Variants in PAPSS1 observed in about 807,000 individuals in gnomAD.
PAPSS1 encodes the protein 3'-phosphoadenosine 5'-phosphosulfate synthase 1.
Under a neutral mutation model 72.0 loss-of-function variants are expected in PAPSS1, and 50 were observed. The observed-to-expected ratio is 0.69, with a 90% CI of 0.55 to 0.88. The LOEUF is 0.88. PAPSS1 is among the 40% of genes least tolerant of loss of function. The pLI, the probability that PAPSS1 is intolerant of heterozygous loss-of-function variation, is 0.00. For synonymous variants in PAPSS1, 261 were observed against 263.6 expected (o/e 0.99, Z 0.09); for missense variants, 657 against 782.2 (o/e 0.84, Z 1.91).
chr4:107,703,751 G>A (rs13144043), intron 1 of PAPSS1, among the ~76,000 whole-genome samples: 73,681 of 152,112 alleles, frequency 0.48, 19,579 homozygotes, highest in South Asian at 0.65. Flanking sequence ...GATTACTATA[G>A]CTTCAGAGTG....
At chr4:107,634,996 T>C (rs1976695) in intron 10 of PAPSS1, among the ~76,000 whole-genome samples, 6,057 of 151,928 alleles carry the variant, frequency 0.04, 310 homozygotes, top group African/African-American at 0.13. Context: ...GACGGGGTTT[T>C]ACCGTGTTAG....
At chr4:107,692,979 C>T (rs945333927) in intron 3 of PAPSS1, among the ~76,000 whole-genome samples, 2 of 152,032 alleles carry the variant, frequency 1.3e-5, no homozygotes, top group African/African-American at 2.4e-5. Flanking sequence ...GGAAACAACA[C>T]ACACTGATGA....
chr4:107,631,872 G>A lies in PAPSS1; in HGVS notation c.1507-12C>T. 6.3e-7 allele frequency: 1 copy of A among 1,586,156 alleles called. No individual in the cohort carries two copies. Among genetic ancestry groups the A allele is most frequent in the Non-Finnish European group, 8.6e-7 (1 of 1,160,072 alleles). ...CAATGCCACTGGACCTAGAATAAAA[G>A]TTTCATTTTAGGTAACTTTGCTTTT... On this transcript the variant is annotated splice_polypyrimidine_tract_variant and intron_variant, in intron 10 of 11. Transcript: ENST00000265174.
intron 11 of PAPSS1, among the ~76,000 whole-genome samples, chr4:107,624,900 T>C (rs935995567): frequency 6.6e-6 from 1 of 152,190 alleles, no homozygotes; most frequent in Non-Finnish European, 1.5e-5. Flanking sequence ...GAAATACTTG[T>C]GTATTGCAAA....
At chr4:107,619,526 A>C (rs1384028227) in intron 11 of PAPSS1, among the ~76,000 whole-genome samples, 1 of 152,252 alleles carries the variant, frequency 6.6e-6, no homozygotes, top group Non-Finnish European at 1.5e-5. Flanking sequence ...CATATTTTTC[A>C]CAAGTACATC....
At chr4:107,615,250 C>T (rs985711459) in intron 11 of PAPSS1, among the ~76,000 whole-genome samples, 1 of 152,150 alleles carries the variant, frequency 6.6e-6, no homozygotes, top group African/African-American at 2.4e-5. Context: ...GCATATATTG[C>T]TTACCTTAAA....
chr4:107,622,256 A>G (rs1725983939), intron 11 of PAPSS1, among the ~76,000 whole-genome samples: 1 of 152,200 alleles, frequency 6.6e-6, no homozygotes, highest in Non-Finnish European at 1.5e-5. Context: ...CACTGGGGGC[A>G]AAGCCCAAGA....
At chr4:107,647,349 C>T (rs951623123) in intron 9 of PAPSS1, among the ~76,000 whole-genome samples, 1 of 152,220 alleles carries the variant, frequency 6.6e-6, no homozygotes, top group Non-Finnish European at 1.5e-5. Flanking sequence ...TTCACCTATA[C>T]ATGACACTGC....
chr4:107,691,586 A>T (rs1722918688), intron 3 of PAPSS1, among the ~76,000 whole-genome samples: 1 of 152,180 alleles, frequency 6.6e-6, no homozygotes, highest in South Asian at 2.1e-4. Context: ...GGCAAATAAG[A>T]CACGGTCCCA....
intron 7 of PAPSS1, among the ~76,000 whole-genome samples, chr4:107,655,995 G>C (rs922274789): frequency 3.9e-5 from 6 of 152,080 alleles, no homozygotes; most frequent in African/African-American, 9.7e-5. Flanking sequence ...TTATAGTAGG[G>C]TTCTGTGACA....
intron 10 of PAPSS1, among the ~76,000 whole-genome samples, chr4:107,635,228 C>A (rs1726338820): frequency 1.3e-5 from 2 of 151,944 alleles, no homozygotes; most frequent in South Asian, 4.2e-4. Flanking sequence ...GTTCCCTGAC[C>A]AAAGAAACCT....
At chr4:107,705,028 T>G (rs1723299599) in intron 1 of PAPSS1, among the ~76,000 whole-genome samples, 1 of 150,710 alleles carries the variant, frequency 6.6e-6, no homozygotes, top group Non-Finnish European at 1.5e-5. Flanking sequence ...TAAGGAGGAA[T>G]GATCCTTTAA....
intron 11 of PAPSS1, among the ~76,000 whole-genome samples, chr4:107,621,176 G>C (rs190424599): frequency 5.1e-4 from 78 of 152,254 alleles, no homozygotes; most frequent in Admixed American, 2.1e-3. Flanking sequence ...TCCAGAGTAG[G>C]GGGGAGCCTT....
rs1217591732 is a variant in PAPSS1, at chr4:107,687,113, T to C, written c.476A>G (p.Asp159Gly). Residue 159 changes from aspartate (D) to glycine (G), a missense_variant, in exon 4 of 12, where the codon GAT becomes GGT. Coordinates refer to ENST00000265174, the MANE Select transcript of PAPSS1 (RefSeq NM_005443.5). ...ASLPFFEVFV[D>G]APLHVCEQRD... ...CTGTTCACAAACATGCAGAGGAGCA[T>C]CAACAAATACTTCAAAAAACGGTAA... The C allele has an allele frequency of 1.2e-6, 2 of 1,604,398 alleles. No homozygotes were observed. Among genetic ancestry groups the C allele is most frequent in the Admixed American group, 3.5e-5 (2 of 57,824 alleles).
intron 11 of PAPSS1, among the ~76,000 whole-genome samples, chr4:107,627,196 A>T (rs940142887): frequency 5.9e-5 from 9 of 152,236 alleles, no homozygotes; most frequent in African/African-American, 2.2e-4. Context: ...ACATTTTGGC[A>T]CAAGAAGTGT....
At chr4:107,713,682 AGT>A (rs1723559419) in intron 1 of PAPSS1, among the ~76,000 whole-genome samples, 1 of 151,636 alleles carries the variant, frequency 6.6e-6, no homozygotes, top group Admixed American at 6.6e-5. Flanking sequence ...CACTTGAACC[AGT>A]GAGGTGGAGG....
rs1726915744 is a variant in PAPSS1, at chr4:107,653,593, C to T, written c.1135G>A (p.Gly379Arg). Residue 379 changes from glycine (G) to arginine (R), a missense_variant, in exon 9 of 12, where the codon GGA (glycine) becomes AGA (arginine). By Grantham distance (125) the Gly-to-Arg change is moderately radical. Transcript: ENST00000265174. ...VMEQGDWLIG[G>R]DLQVLDRVYW... Reference sequence around the variant, plus strand: ...ACTCGATCCAAGACTTGAAGATCTCCTCCAATCAGCCAATCTCCTTGTTCC... The same window carrying T: ...ACTCGATCCAAGACTTGAAGATCTCTTCCAATCAGCCAATCTCCTTGTTCC... 1 of 1,613,394 alleles carries T rather than the reference C, an allele frequency of 6.2e-7. No individual in the cohort carries two copies. The highest frequency in any genetic ancestry group is 8.5e-7 in the Non-Finnish European group (1 of 1,179,632).
In PAPSS1 at chr4:107,656,926, G is replaced by GC; in HGVS notation, c.864dup (p.Gln289AlafsTer6). On this transcript the variant is annotated frameshift_variant, in exon 7 of 12. Coordinates refer to ENST00000265174, the MANE Select transcript of PAPSS1 (RefSeq NM_005443.5). LOFTEE classifies it high-confidence loss of function. ...AGAAGACAATCAAAATGAAGGCACT[G>GC]CAAGTACTCCCTCTCTCTCATAAAG... The GC allele has an allele frequency of 6.2e-7, 1 of 1,612,584 alleles. No individual in the cohort carries two copies. Among genetic ancestry groups the GC allele is most frequent in the Non-Finnish European group, 8.5e-7 (1 of 1,178,652 alleles).
chr4:107,617,515 T>TATAAA, intron 11 of PAPSS1, among the ~76,000 whole-genome samples: 2 of 152,170 alleles, frequency 1.3e-5, no homozygotes, highest in Non-Finnish European at 2.9e-5. Flanking sequence ...AAAATCAATG[T>TATAAA]CAGTGTTTTA....
Sources: gnomAD v4.1 joint callset for allele counts (sites outside exome capture counted in the v4.1 genomes callset) on GRCh38, gnomAD v4.1.1 for gene constraint, MANE v1.5 for transcripts, NCBI Gene and HGNC (gene_info 2026-07-23, HGNC 2026-07-21) for gene names.